Variants in SCAF11 observed in about 807,000 individuals in gnomAD.
SCAF11 encodes the protein SR-related CTD associated factor 11, also known as protein SCAF11.
SCAF11 carries 47 observed loss-of-function variants against 140.5 expected under a neutral mutation model. The observed-to-expected ratio is 0.33, with a 90% CI of 0.26 to 0.43. The LOEUF (loss-of-function observed/expected upper bound fraction) is 0.43. SCAF11 is among the 20% of genes least tolerant of loss of function. SCAF11 has a pLI of 1.00. For missense variants in SCAF11, 1,645 were observed against 1,705.1 expected (o/e 0.96, Z 0.62); for synonymous variants, 557 against 579.4 (o/e 0.96, Z 0.55).
Position 45,924,926 on chromosome 12 carries a change from A to G in SCAF11, c.3708T>C (p.His1236=). ...MNIFPYPVGV[H]APLMNIQRNP... ...TGCGTTGGATGTTCATCAAAGGAGC[A>G]TGAACACCCACTGGATATGGGAAGA... The change falls in exon 12 of 15, where the codon CAT becomes CAC. Residue 1236 remains histidine (H), a synonymous_variant. Coordinates refer to ENST00000369367, the MANE Select transcript of SCAF11 (RefSeq NM_004719.3). 1.2e-6 allele frequency: 2 copies of G among 1,614,186 alleles called. No individual in the cohort carries two copies. The highest frequency in any genetic ancestry group is 1.7e-6 in the Non-Finnish European group (2 of 1,180,020).
rs1014014716 is a variant in SCAF11 at position 45,961,988 on chromosome 12, A to G, written c.62-131T>C. 7.3e-6 allele frequency: 4 copies of G among 545,476 alleles called. No individual in the cohort carries two copies. The Admixed American group carries it at 1.2e-4, about 16-fold the overall frequency. 33.8% of individuals were successfully genotyped at this position (545,476 alleles called of 1,614,324 possible). On this transcript the variant is annotated intron_variant, in intron 2 of 14. Coordinates refer to ENST00000369367, the MANE Select transcript of SCAF11 (RefSeq NM_004719.3). Reference sequence around the variant, plus strand: ...AAAGCAAATAGATCTTAGATAAATTATAGCAAACATACTGCTTGAGCCCAA... The same window carrying G: ...AAAGCAAATAGATCTTAGATAAATTGTAGCAAACATACTGCTTGAGCCCAA...
At chr12:45,962,392 A>G (rs1945851663) in intron 2 of SCAF11, among the ~76,000 whole-genome samples, 1 of 152,280 alleles carries the variant, frequency 6.6e-6, no homozygotes, top group East Asian at 1.9e-4. Flanking sequence ...GTTATTTCAC[A>G]TTTTTAAAAG....
At chr12:45,967,376 G>A (rs1457532232) in intron 1 of SCAF11, among the ~76,000 whole-genome samples, 6 of 152,224 alleles carry the variant, frequency 3.9e-5, no homozygotes, top group Non-Finnish European at 8.8e-5. Flanking sequence ...GGTGCCGGTG[G>A]CTCACGCAAG....
At chr12:45,966,598 A>G (rs1945955276) in intron 1 of SCAF11, among the ~76,000 whole-genome samples, 1 of 152,028 alleles carries the variant, frequency 6.6e-6, no homozygotes, top group Admixed American at 6.6e-5. Context: ...TTCTGTGATA[A>G]AGGGACATTT....
intron 3 of SCAF11, chr12:45,953,802 T>C (rs1032649246): frequency 3.2e-6 from 2 of 621,080 alleles, no homozygotes; most frequent in Non-Finnish European, 5.1e-6. Flanking sequence ...TAACCTTATT[T>C]GTGAAAATGA....
At chr12:45,929,522 G>A (rs1168536723) in intron 10 of SCAF11, 1 of 152,066 alleles carries the variant, frequency 6.6e-6, no homozygotes, top group African/African-American at 2.4e-5. Context: ...AATTAATAAA[G>A]ACTCAAACTA....
chr12:45,976,046 A>C (rs1256001169), intron 1 of SCAF11, among the ~76,000 whole-genome samples: 7 of 152,206 alleles, frequency 4.6e-5, no homozygotes, highest in Non-Finnish European at 8.8e-5. Context: ...CAATTTGTAA[A>C]ATATGCAGTA....
chr12:45,984,225 C>T (rs1463177315), intron 1 of SCAF11, among the ~76,000 whole-genome samples: 2 of 152,136 alleles, frequency 1.3e-5, no homozygotes, highest in Admixed American at 6.5e-5. Context: ...ACTTTCATGA[C>T]CTTGTTTGTA....
intron 1 of SCAF11, among the ~76,000 whole-genome samples, chr12:45,978,079 G>A (rs1164026156): frequency 1.3e-5 from 2 of 152,132 alleles, no homozygotes; most frequent in Non-Finnish European, 2.9e-5. Flanking sequence ...AAATACAAAT[G>A]AGTGCCTTTT....
At chr12:45,960,991 TATTAA>T (rs1188792436) in intron 3 of SCAF11, 19 of 225,458 alleles carry the variant, frequency 8.4e-5, no homozygotes, top group Middle Eastern at 2.9e-3. Context: ...ATAAGGCTTA[TATTAA>T]ATTAATATTT....
At chr12:45,963,695 A>C (rs1592208181) in intron 2 of SCAF11, among the ~76,000 whole-genome samples, 1 of 152,294 alleles carries the variant, frequency 6.6e-6, no homozygotes, top group South Asian at 2.1e-4. Context: ...AAATAATGGA[A>C]CTATAACCTA....
At chr12:45,932,994 G>GA in intron 9 of SCAF11, 137 bp downstream of exon 9, 3 of 582,664 alleles carry the variant, frequency 5.1e-6, no homozygotes, top group South Asian at 5.2e-5. Context: ...TTGGGCATTT[G>GA]AAACACCAAA....
chr12:45,961,134 T>G (rs1461524160), intron 3 of SCAF11: 1 of 541,774 alleles, frequency 1.8e-6, no homozygotes, highest in Non-Finnish European at 3.3e-6. Flanking sequence ...CACACTAAAT[T>G]AAAAACAGGA....
At chr12:45,975,894 T>C (rs1483453386) in intron 1 of SCAF11, among the ~76,000 whole-genome samples, 1 of 152,074 alleles carries the variant, frequency 6.6e-6, no homozygotes, top group Non-Finnish European at 1.5e-5. Flanking sequence ...AGATCACTGA[T>C]CACATATCAC....
Position 45,928,748 on chromosome 12 carries a change from G to T in SCAF11, c.953C>A (p.Thr318Asn). 1.9e-6 allele frequency: 3 copies of T among 1,613,830 alleles called. No homozygotes were observed. Among genetic ancestry groups the T allele is most frequent in the Non-Finnish European group, 2.5e-6 (3 of 1,179,920 alleles). The change falls in exon 11 of 15, where the codon ACT (threonine) becomes AAT (asparagine). Residue 318 changes from threonine (T) to asparagine (N), a missense_variant. By Grantham distance (65) the Thr-to-Asn change is moderately conservative. This residue lies in a region of SCAF11 where 1,582 missense variants were observed against 1,609.2 expected (regional missense o/e 0.98). Transcript: ENST00000369367. ...GTTACGTGTAGACCTCCTTGTAGGAGTTGTCATTGCAGGTTTTCGTCTTGA... is the reference window on the plus strand; with the variant it reads ...GTTACGTGTAGACCTCCTTGTAGGATTTGTCATTGCAGGTTTTCGTCTTGA... ...RGSRRKPAMTTPTRRSTRNTR... is the reference protein window; with the variant it reads ...RGSRRKPAMTNPTRRSTRNTR...
intron 1 of SCAF11, among the ~76,000 whole-genome samples, chr12:45,968,487 A>T (rs150612410): frequency 5.4e-4 from 83 of 152,312 alleles, no homozygotes; most frequent in African/African-American, 1.9e-3. Context: ...TCTAAGTTTT[A>T]AATTTTATTT....
In SCAF11 at chr12:45,961,828, T is replaced by C; in HGVS notation, c.91A>G (p.Thr31Ala). The C allele has an allele frequency of 6.2e-7, 1 of 1,608,344 alleles. No homozygotes were observed. The change falls in exon 3 of 15, where the codon ACT becomes GCT. Residue 31 changes from threonine (T) to alanine (A), a missense_variant. By Grantham distance (58) the Thr-to-Ala change is moderately conservative. This residue lies in a region of SCAF11 where 1,582 missense variants were observed against 1,609.2 expected (regional missense o/e 0.98). Transcript: ENST00000369367. ...GEENGDNTIS[T>A]GLLYSEADRC... ...TCAGCCTCACTGTACAACAGACCAG[T>C]GGAAATAGTATTATCTCCGTTTTCT...
At chr12:45,923,996 G>A (rs1163209595) in intron 12 of SCAF11, among the ~76,000 whole-genome samples, 3 of 152,010 alleles carry the variant, frequency 2.0e-5, no homozygotes, top group African/African-American at 7.2e-5. Context: ...GATTACAGGC[G>A]CTTGCCACCA....
At chr12:45,975,927 A>G (rs923363060) in intron 1 of SCAF11, among the ~76,000 whole-genome samples, 3 of 152,212 alleles carry the variant, frequency 2.0e-5, no homozygotes, top group Admixed American at 1.3e-4. Context: ...AATAACAAAG[A>G]TATTTGAAAT....
Sources: gnomAD v4.1 joint callset for allele counts (sites outside exome capture counted in the v4.1 genomes callset) on GRCh38, gnomAD v4.1.1 for gene constraint, gnomAD v4.1.1 regional missense constraint, MANE v1.5 for transcripts, NCBI Gene and HGNC (gene_info 2026-07-23, HGNC 2026-07-21) for gene names.